IL17D: variants seen among roughly 807,000 people sequenced by gnomAD.
IL17D encodes interleukin 17D.
IL17D carries 10 observed loss-of-function variants against 5.7 expected under a neutral mutation model. The observed-to-expected ratio is 1.75, with a 90% CI of 1.08 to 2.97. The LOEUF (loss-of-function observed/expected upper bound fraction) is 2.97. Ranked by LOEUF, IL17D falls within the 30% of genes most tolerant of loss-of-function variation. IL17D has a pLI of 0.00. For synonymous variants in IL17D, 172 were observed against 141.7 expected (o/e 1.21, Z -1.52); for missense variants, 354 against 292.7 (o/e 1.21, Z -1.53).
At chr13:20,720,874 A>ACCCCCCCCCCCCCCCCCCCCCC (rs67735251) in intron 1 of IL17D, among the ~76,000 whole-genome samples, 8 of 75,716 alleles carry the variant, frequency 1.1e-4, no homozygotes, top group Admixed American at 3.1e-4. Context: ...CTCCCTCCCA[A>ACCCCCCCCCCCCCCCCCCCCCC]CCCCCCCCCC....
At chr13:20,703,305 G>A (rs1174548889), upstream of IL17D, 1 of 986,564 alleles carries the variant, frequency 1.0e-6, no homozygotes, top group Non-Finnish European at 1.2e-6. Flanking sequence ...CGGGGGAGAA[G>A]ATGTTGGGGG....
At position 20,722,022 on chromosome 13, in the gene IL17D, G is replaced by A. The variant is rs924861523; in HGVS notation, c.*68G>A. 7.4e-7 allele frequency: 1 copy of A among 1,351,056 alleles called. No individual in the cohort carries two copies. Among genetic ancestry groups the A allele is most frequent in the African/African-American group, 1.5e-5 (1 of 68,094 alleles). 83.7% of individuals were successfully genotyped at this position (1,351,056 alleles called of 1,614,324 possible). On this transcript the variant is annotated 3_prime_UTR_variant, in exon 2 of 2. Coordinates refer to ENST00000682841, the MANE Select transcript of IL17D (RefSeq NM_001385224.1). ...GGCGCCCAAGCTGGAGCCGCCTGGA[G>A]GGCTCGGTCGGCGACCTCTGAAGAG... is the stretch of plus-strand genomic sequence containing the variant.
At chr13:20,714,122 T>G (rs2058661085) in intron 1 of IL17D, 1 of 152,278 alleles carries the variant, frequency 6.6e-6, no homozygotes, top group South Asian at 2.1e-4. Flanking sequence ...TGTGTGGCAT[T>G]TGCCATGACA....
Position 20,722,423 on chromosome 13 carries a change from T to G in IL17D, c.*469T>G, listed in dbSNP as rs923348561. On this transcript the variant is annotated 3_prime_UTR_variant, in exon 2 of 2. Transcript: ENST00000682841. ...TGTTTTGAATAGAGGCAGAGCTATTTTATATTATCAAATGAGAGCTACTCT... is the reference window on the plus strand; with the variant it reads ...TGTTTTGAATAGAGGCAGAGCTATTGTATATTATCAAATGAGAGCTACTCT... 2 of 154,726 alleles carry G rather than the reference T, an allele frequency of 1.3e-5. No homozygotes were observed. The highest frequency in any genetic ancestry group is 4.8e-5 in the African/African-American group (2 of 41,596). The allele number at this position is 154,726 out of a possible 1,614,324, so 9.6% of individuals were successfully genotyped here.
chr13:20,721,556 C>G, intron 1 of IL17D, 80 bp from the exon 2 acceptor site: 5 of 1,260,062 alleles, frequency 4.0e-6, no homozygotes, highest in Admixed American at 4.9e-5. Flanking sequence ...AGGCCCTCCC[C>G]GGTGACTCTA....
chr13:20,707,459 A>AG (rs1432764855), intron 1 of IL17D, among the ~76,000 whole-genome samples: 1 of 151,720 alleles, frequency 6.6e-6, no homozygotes, highest in East Asian at 1.9e-4. Flanking sequence ...AAAAAAAAAA[A>AG]AAAAAAGGAA....
intron 1 of IL17D, chr13:20,713,396 C>T (rs1594999354): frequency 6.6e-6 from 1 of 152,264 alleles, no homozygotes; most frequent in East Asian, 1.9e-4. Flanking sequence ...TTGAACTGGC[C>T]AAGGTACAGC....
chr13:20,722,755 C>T lies in IL17D; in HGVS notation c.*801C>T, dbSNP rs1277145355. On this transcript the variant is annotated 3_prime_UTR_variant, in exon 2 of 2. Coordinates refer to ENST00000682841, the MANE Select transcript of IL17D (RefSeq NM_001385224.1). ...TTTTAGTCATGAATACATAAACAGTCTCAAACTCGCACAATTTTTTCCCCC... is the reference window on the plus strand; with the variant it reads ...TTTTAGTCATGAATACATAAACAGTTTCAAACTCGCACAATTTTTTCCCCC... The T allele has an allele frequency of 6.6e-6, 1 of 152,204 alleles. No homozygotes were observed. Among genetic ancestry groups the T allele is most frequent in the Non-Finnish European group, 1.5e-5 (1 of 68,060 alleles). 9.4% of individuals were successfully genotyped at this position (152,204 alleles called of 1,614,324 possible). A position where few individuals can be genotyped will look rare whatever the true frequency, so the allele number is the denominator to read the frequency against.
chr13:20,705,764 G>GT (rs2058587501), intron 1 of IL17D, among the ~76,000 whole-genome samples: 1 of 152,212 alleles, frequency 6.6e-6, no homozygotes, highest in Admixed American at 6.5e-5. Flanking sequence ...AGCCACTCTG[G>GT]TTTAGGAGGG....
rs1211867494 is a variant in IL17D at position 20,716,596 on chromosome 13, G to T, written c.291-5040G>T. Reference sequence around the variant, plus strand: ...TGGAGTTCTCTGCCCAAGGTTACTGGGTGGTGACTAAGTTGGGCTACAGTT... The same window carrying T: ...TGGAGTTCTCTGCCCAAGGTTACTGTGTGGTGACTAAGTTGGGCTACAGTT... On this transcript the variant is annotated intron_variant, in intron 1 of 1. Coordinates refer to ENST00000682841, the MANE Select transcript of IL17D (RefSeq NM_001385224.1). The surrounding 1 kb of genome is among the most constrained non-coding windows in gnomAD (Gnocchi z 4.2). Among the ~76,000 whole-genome samples the T allele has an allele frequency of 6.6e-6, 1 of 152,158 alleles. No homozygotes were observed. The highest frequency in any genetic ancestry group is 1.5e-5 in the Non-Finnish European group (1 of 68,034).
intron 1 of IL17D, among the ~76,000 whole-genome samples, chr13:20,711,467 C>G (rs906872137): frequency 2.6e-5 from 4 of 152,166 alleles, no homozygotes; most frequent in African/African-American, 4.8e-5. Context: ...GTCACCTCTT[C>G]AAGGCCCCGC....
intron 1 of IL17D, among the ~76,000 whole-genome samples, chr13:20,707,119 C>T (rs2058596975): frequency 6.6e-6 from 1 of 152,122 alleles, no homozygotes. Flanking sequence ...TCTCTGCCCT[C>T]CTCCCTCCAA....
At chr13:20,706,431 A>G (rs1217879754) in intron 1 of IL17D, among the ~76,000 whole-genome samples, 1 of 152,256 alleles carries the variant, frequency 6.6e-6, no homozygotes, top group Non-Finnish European at 1.5e-5. Flanking sequence ...TCGAACTCTC[A>G]GGCAAACCCG....
rs111561959 is a variant in IL17D at position 20,721,749 on chromosome 13, C to T, written c.404C>T (p.Pro135Leu). 3.2e-5 allele frequency: 52 copies of T among 1,610,386 alleles called. No individual in the cohort carries two copies. The South Asian group carries it at 5.5e-4, about 17-fold the overall frequency. ...GEEDVRFRSA[P>L]VYMPTVVLRR... is the part of the protein sequence containing the mutation. ...GAGGACGTGCGCTTCCGCAGCGCCC[C>T]TGTCTACATGCCCACCGTCGTCCTG... Residue 135 changes from proline to leucine, a missense_variant, in exon 2 of 2, where the codon CCT becomes CTT. Transcript: ENST00000682841.
In IL17D at chr13:20,716,702, G is replaced by A. The variant is rs916660616; in HGVS notation, c.291-4934G>A. ...TTGAACTCATTGACCTTCGGATCTG[G>A]CGAGCCACGCTACCGAGGCAGGCTG... On this transcript the variant is annotated intron_variant, in intron 1 of 1. Coordinates refer to ENST00000682841, the MANE Select transcript of IL17D (RefSeq NM_001385224.1). The surrounding 1 kb of genome is among the most constrained non-coding windows in gnomAD (Gnocchi z 4.2). 3.9e-5 allele frequency among the ~76,000 whole-genome samples: 6 copies of A among 152,172 alleles called. No homozygotes were observed.
intron 1 of IL17D, 104 bp from the exon 2 acceptor site, chr13:20,721,532 C>G (rs543701024): frequency 1.3e-5 from 12 of 932,638 alleles, no homozygotes; most frequent in Admixed American, 3.0e-5. Context: ...AGGCGGAGGA[C>G]AGGACAGTCC....
At chr13:20,709,816 T>C (rs1458041164) in intron 1 of IL17D, among the ~76,000 whole-genome samples, 6 of 152,168 alleles carry the variant, frequency 3.9e-5, no homozygotes, top group African/African-American at 1.4e-4. Flanking sequence ...ACTGAGGAAA[T>C]GAAGCTTCAG....
intron 1 of IL17D, among the ~76,000 whole-genome samples, chr13:20,710,704 C>T (rs2058629866): frequency 6.9e-6 from 1 of 145,522 alleles, no homozygotes; most frequent in Non-Finnish European, 1.5e-5. Context: ...TATTTTTTAA[C>T]AGCTTATGTT....
At chr13:20,712,554 CA>C (rs2058647562) in intron 1 of IL17D, 1 of 152,402 alleles carries the variant, frequency 6.6e-6, no homozygotes, top group South Asian at 2.1e-4. Flanking sequence ...CGCGCCGTTG[CA>C]CTCCAGCCTG....
Sources: gnomAD v4.1 joint callset for allele counts (sites outside exome capture counted in the v4.1 genomes callset) on GRCh38, gnomAD v4.1.1 for gene constraint, Gnocchi (gnomAD v3.1) non-coding constraint, MANE v1.5 for transcripts, NCBI Gene and HGNC (gene_info 2026-07-23, HGNC 2026-07-21) for gene names.